MCC: variants seen among roughly 807,000 people sequenced by gnomAD.
MCC encodes the protein MCC regulator of Wnt signaling pathway, also known as colorectal mutant cancer protein.
MCC carries 90 observed loss-of-function variants against 116.2 expected under a neutral mutation model. The ratio of observed to expected loss-of-function variants is 0.77; its 90% CI spans 0.65 to 0.92. The LOEUF is 0.92. Ranked by LOEUF, MCC falls within the 40% of genes least tolerant of loss-of-function variation. The pLI is 0.00. For synonymous variants in MCC, 578 were observed against 510.5 expected (o/e 1.13, Z -1.78); for missense variants, 1,516 against 1,312.2 (o/e 1.16, Z -2.40).
Position 113,078,671 on chromosome 5 carries a change from A to G in MCC, c.1784+4189T>C, listed in dbSNP as rs372064989. 5.3e-5 allele frequency among the ~76,000 whole-genome samples: 8 copies of G among 152,296 alleles called. No individual in the cohort carries two copies. In the East Asian group the frequency reaches 9.6e-4, roughly 18 times the overall value. On this transcript the variant is annotated intron_variant, in intron 11 of 18. Transcript: ENST00000408903. ...ATGGGACGTATCTCAAAATAATAAG[A>G]GCTATCTATGACAAACCCACAGCCA...
rs548991911 is a variant in MCC at position 113,250,494 on chromosome 5, G to A, written c.627+90025C>T. Among the ~76,000 whole-genome samples, 44 of 152,292 alleles carry A rather than the reference G, an allele frequency of 2.9e-4. 1 individual carries two copies. The highest frequency in any genetic ancestry group is 3.4e-3 in the Middle Eastern group (1 of 294). ...CCAGTGCAGCCTGCTCCCACAGCAC[G>A]CTGCCTCCCAACATCTGTTCCTTCA... On this transcript the variant is annotated intron_variant, in intron 3 of 18. Coordinates refer to ENST00000408903, the MANE Select transcript of MCC (RefSeq NM_001085377.2).
intron 3 of MCC, among the ~76,000 whole-genome samples, chr5:113,230,977 C>A (rs1763919346): frequency 6.6e-6 from 1 of 152,144 alleles, no homozygotes; most frequent in Non-Finnish European, 1.5e-5. Context: ...GACAAACACT[C>A]CCCCAGCTAC....
intron 3 of MCC, among the ~76,000 whole-genome samples, chr5:113,249,113 AT>A (rs1274814916): frequency 2.6e-5 from 4 of 151,116 alleles, no homozygotes; most frequent in African/African-American, 9.8e-5. Flanking sequence ...AAGTGCTGGG[AT>A]TACAGGCGTG....
chr5:113,134,423 C>T (rs945824527), intron 5 of MCC, among the ~76,000 whole-genome samples: 1 of 152,084 alleles, frequency 6.6e-6, no homozygotes, highest in Non-Finnish European at 1.5e-5. Flanking sequence ...TGTTTCATTG[C>T]TCTATGTGTC....
chr5:113,451,041 A>G (rs750473837), intron 1 of MCC, among the ~76,000 whole-genome samples: 1 of 151,576 alleles, frequency 6.6e-6, no homozygotes, highest in African/African-American at 2.4e-5. Flanking sequence ...CTTTTCCACA[A>G]TTGCATTTTT....
chr5:113,033,958 C>G (rs1751142616), intron 17 of MCC, among the ~76,000 whole-genome samples: 1 of 152,216 alleles, frequency 6.6e-6, no homozygotes. Flanking sequence ...CAAATCACAG[C>G]TCACTGCAGC....
intron 1 of MCC, among the ~76,000 whole-genome samples, chr5:113,426,589 C>T (rs1223454594): frequency 2.0e-5 from 3 of 152,118 alleles, no homozygotes; most frequent in Non-Finnish European, 2.9e-5. Context: ...GCAACACCTG[C>T]GTGGGTAGAA....
chr5:113,172,573 C>T (rs1003967693), intron 3 of MCC, among the ~76,000 whole-genome samples: 8 of 152,010 alleles, frequency 5.3e-5, no homozygotes, highest in African/African-American at 1.9e-4. Context: ...TTTGACATAA[C>T]ACAGAACAAA....
chr5:113,111,213 T>C (rs1376359928), intron 6 of MCC, among the ~76,000 whole-genome samples: 1 of 152,220 alleles, frequency 6.6e-6, no homozygotes, highest in African/African-American at 2.4e-5. Flanking sequence ...CATTATAACA[T>C]AGACGAGGAG....
At chr5:113,100,661 G>A (rs144372165) in intron 8 of MCC, among the ~76,000 whole-genome samples, 77 of 151,912 alleles carry the variant, frequency 5.1e-4, no homozygotes, top group African/African-American at 1.7e-3. Flanking sequence ...TAGTGGAGAC[G>A]GGGGTTTCAT....
intron 4 of MCC, among the ~76,000 whole-genome samples, chr5:113,148,284 T>A (rs982086095): frequency 2.6e-5 from 4 of 152,214 alleles, no homozygotes; most frequent in African/African-American, 4.8e-5. Context: ...TATACAGCAA[T>A]AGAAAATTAA....
intron 3 of MCC, among the ~76,000 whole-genome samples, chr5:113,317,710 T>C (rs1013341367): frequency 1.3e-5 from 2 of 152,220 alleles, no homozygotes; most frequent in African/African-American, 4.8e-5. Flanking sequence ...AAAATGGCAT[T>C]GTAGCATATG....
intron 16 of MCC, among the ~76,000 whole-genome samples, chr5:113,043,912 T>C: frequency 6.6e-6 from 1 of 152,222 alleles, no homozygotes; most frequent in East Asian, 1.9e-4. Flanking sequence ...AAGCATGCCA[T>C]ATGCATTCAA....
At chr5:113,182,803 T>C (rs1049368978) in intron 3 of MCC, among the ~76,000 whole-genome samples, 11 of 152,310 alleles carry the variant, frequency 7.2e-5, no homozygotes, top group East Asian at 5.8e-4. Flanking sequence ...ACTCAATGCA[T>C]GCGCATCCAA....
chr5:113,137,188 T>C (rs1477983293), intron 5 of MCC, among the ~76,000 whole-genome samples: 1 of 152,086 alleles, frequency 6.6e-6, no homozygotes, highest in Non-Finnish European at 1.5e-5. Flanking sequence ...GGCAGCAGGA[T>C]AGAGTGTAAG....
intron 1 of MCC, among the ~76,000 whole-genome samples, chr5:113,456,983 G>T (rs1052944218): frequency 6.6e-6 from 1 of 152,162 alleles, no homozygotes; most frequent in Non-Finnish European, 1.5e-5. Context: ...CAGCGTGCTG[G>T]CAGTCCTCAC....
At chr5:113,383,986 A>G (rs1300529958) in intron 2 of MCC, among the ~76,000 whole-genome samples, 2 of 152,192 alleles carry the variant, frequency 1.3e-5, no homozygotes, top group Admixed American at 1.3e-4. Context: ...ACACATTTTC[A>G]AGGAAAAACA....
chr5:113,206,471 T>C (rs1236062605), intron 3 of MCC, among the ~76,000 whole-genome samples: 1 of 152,200 alleles, frequency 6.6e-6, no homozygotes, highest in Non-Finnish European at 1.5e-5. Flanking sequence ...TCCCAGCACT[T>C]TGGGAGGCTG....
chr5:113,043,943 C>T (rs1397821783), intron 16 of MCC, among the ~76,000 whole-genome samples: 1 of 152,244 alleles, frequency 6.6e-6, no homozygotes. Flanking sequence ...TCCACAAATA[C>T]TCTCTGAGGC....
Sources: gnomAD v4.1 joint callset for allele counts (sites outside exome capture counted in the v4.1 genomes callset) on GRCh38, gnomAD v4.1.1 for gene constraint, MANE v1.5 for transcripts, NCBI Gene and HGNC (gene_info 2026-07-23, HGNC 2026-07-21) for gene names.